Variants in BMERB1 observed in about 807,000 individuals in gnomAD.
BMERB1 encodes bMERB domain containing 1, also known as bMERB domain-containing protein 1.
A neutral mutation model predicts 23.6 loss-of-function variants in BMERB1; 12 were observed. That is an observed-to-expected ratio of 0.51 (90% CI 0.33 to 0.82). BMERB1 has a LOEUF of 0.82. BMERB1 is among the 40% of genes least tolerant of loss of function. The pLI is 0.03. For synonymous variants in BMERB1, 122 were observed against 96.6 expected, an observed-to-expected ratio of 1.26 and a Z score of -1.54; for missense variants, 247 against 255.4, an observed-to-expected ratio of 0.97 and a Z score of 0.22.
chr16:15,478,784 A>G (rs1427098834), intron 1 of BMERB1, among the ~76,000 whole-genome samples: 2 of 152,198 alleles, frequency 1.3e-5, no homozygotes, highest in Non-Finnish European at 2.9e-5. Flanking sequence ...TTAAACAAAC[A>G]TGCACCAGTT....
intron 1 of BMERB1, among the ~76,000 whole-genome samples, chr16:15,496,060 GTGA>G (rs960292020): frequency 6.0e-5 from 9 of 150,826 alleles, no homozygotes; most frequent in South Asian, 4.2e-4. Flanking sequence ...GGTGGTGATG[GTGA>G]TGATGACAGT....
At chr16:15,533,385 T>G (rs1386513446) in intron 2 of BMERB1, among the ~76,000 whole-genome samples, 1 of 151,242 alleles carries the variant, frequency 6.6e-6, no homozygotes, top group Non-Finnish European at 1.5e-5. Context: ...AAGAGGAAGT[T>G]CGTTTCTTTC....
At chr16:15,477,317 G>A (rs1476771986) in intron 1 of BMERB1, among the ~76,000 whole-genome samples, 1 of 152,158 alleles carries the variant, frequency 6.6e-6, no homozygotes, top group African/African-American at 2.4e-5. Context: ...CACGAGAACA[G>A]CATGGGGGAA....
chr16:15,562,319 A>C (rs922368283), intron 2 of BMERB1, among the ~76,000 whole-genome samples: 1 of 150,390 alleles, frequency 6.6e-6, no homozygotes, highest in Non-Finnish European at 1.5e-5. Context: ...AAAAAAAAAA[A>C]ACATAAATAA....
chr16:15,509,358 A>G (rs905757331), intron 1 of BMERB1, among the ~76,000 whole-genome samples: 2 of 151,198 alleles, frequency 1.3e-5, no homozygotes. Context: ...AGAGAGCACA[A>G]GCTGGGTTTG....
chr16:15,558,919 C>A (rs1354355775), intron 2 of BMERB1, among the ~76,000 whole-genome samples: 1 of 151,804 alleles, frequency 6.6e-6, no homozygotes, highest in African/African-American at 2.4e-5. Context: ...AATTATCCTT[C>A]CCAGAAGCCT....
intron 2 of BMERB1, among the ~76,000 whole-genome samples, chr16:15,531,124 G>A (rs886449818): frequency 1.3e-5 from 2 of 152,028 alleles, no homozygotes; most frequent in African/African-American, 4.8e-5. Context: ...GGCCAGGCTG[G>A]TCTCAAACTC....
At chr16:15,485,714 CAAA>C (rs918047308) in intron 1 of BMERB1, among the ~76,000 whole-genome samples, 2 of 131,942 alleles carry the variant, frequency 1.5e-5, no homozygotes, top group Non-Finnish European at 1.6e-5. Flanking sequence ...CCCCCCAGGC[CAAA>C]AAAAAAAAGC....
chr16:15,517,977 G>C (rs549988267), intron 2 of BMERB1, among the ~76,000 whole-genome samples: 1 of 145,680 alleles, frequency 6.9e-6, no homozygotes, highest in East Asian at 2.0e-4. Flanking sequence ...GTATGTGTGC[G>C]TGTGGATGTG....
Position 15,512,027 on chromosome 16 carries a change from A to C in BMERB1, c.107-3278A>C, listed in dbSNP as rs1001481623. ...GACTTGCTCTCAAAAAAAAAAAAAA[A>C]AAAAAAAAAAAGGGGGAATTGTCTC... On this transcript the variant is annotated intron_variant, in intron 1 of 5. Coordinates refer to ENST00000300006, the MANE Select transcript of BMERB1 (RefSeq NM_033201.3). 6.0e-5 allele frequency among the ~76,000 whole-genome samples: 9 copies of C among 150,882 alleles called. 1 individual carries two copies. The highest frequency in any genetic ancestry group is 2.2e-4 in the African/African-American group (9 of 41,188).
chr16:15,574,349 G>A (rs765596437), intron 3 of BMERB1, among the ~76,000 whole-genome samples: 1 of 152,094 alleles, frequency 6.6e-6, no homozygotes, highest in Non-Finnish European at 1.5e-5. Context: ...TTTGGGTGGC[G>A]ACACAAAGCC....
intron 1 of BMERB1, among the ~76,000 whole-genome samples, chr16:15,509,252 T>G (rs1180242026): frequency 3.4e-5 from 5 of 148,980 alleles, no homozygotes; most frequent in Middle Eastern, 6.9e-3. Context: ...ACTACGCACT[T>G]TCGCAGGCAC....
intron 1 of BMERB1, among the ~76,000 whole-genome samples, chr16:15,471,337 A>G (rs933027186): frequency 6.6e-6 from 1 of 152,124 alleles, no homozygotes; most frequent in Admixed American, 6.5e-5. Flanking sequence ...ATTTCTGGAG[A>G]TTTCTCCTGG....
At chr16:15,519,179 C>T (rs377153823) in intron 2 of BMERB1, among the ~76,000 whole-genome samples, 2 of 151,602 alleles carry the variant, frequency 1.3e-5, no homozygotes, top group Admixed American at 6.6e-5. Context: ...CAGGCTCAGG[C>T]GAGGAAGCTT....
rs138017654 is a variant in BMERB1, at chr16:15,556,510, G to A, written c.231-11473G>A. On this transcript the variant is annotated intron_variant, in intron 2 of 5. Transcript: ENST00000300006. The stretch of plus-strand genomic sequence containing the variant: ...ATTGAGATCTGGCTGTGTCTAAAGC[G>A]GGTTGTATCCTCTCTGTGCTTGCAG... Among the ~76,000 whole-genome samples the A allele has an allele frequency of 6.9e-3, 1,055 of 152,286 alleles. 17 individuals carry two copies. In the East Asian group the frequency reaches 0.076, roughly 11 times the overall value.
chr16:15,526,184 C>A (rs556384206), intron 2 of BMERB1, among the ~76,000 whole-genome samples: 1 of 152,266 alleles, frequency 6.6e-6, no homozygotes, highest in African/African-American at 2.4e-5. Context: ...TTCACCAGCA[C>A]TGCCCTAGAG....
intron 1 of BMERB1, among the ~76,000 whole-genome samples, chr16:15,480,645 ACT>A (rs1389226265): frequency 9.3e-6 from 1 of 107,902 alleles, no homozygotes; most frequent in African/African-American, 3.7e-5. Flanking sequence ...ACAGAGTCTC[ACT>A]CTGTCACCCC....
chr16:15,512,960 G>A (rs901571033), intron 1 of BMERB1, among the ~76,000 whole-genome samples: 3 of 152,032 alleles, frequency 2.0e-5, no homozygotes, highest in African/African-American at 7.2e-5. Flanking sequence ...ATTATTCCTT[G>A]AGTATAAGGA....
At chr16:15,448,167 G>A in intron 1 of BMERB1, 1 of 301,620 alleles carries the variant, frequency 3.3e-6, no homozygotes, top group Non-Finnish European at 6.5e-6. Flanking sequence ...TGGGATTACA[G>A]ACATGAGCCA....
Sources: allele counts gnomAD v4.1 joint callset (sites outside exome capture counted in the v4.1 genomes callset), GRCh38; gene constraint gnomAD v4.1.1; transcripts MANE v1.5; gene names NCBI Gene and HGNC (gene_info 2026-07-23, HGNC 2026-07-21).